Variants in FOXN3 observed in about 807,000 individuals in gnomAD.
The protein encoded by FOXN3 is forkhead box protein N3.
A neutral mutation model predicts 38.4 loss-of-function variants in FOXN3; 7 were observed. That is an observed-to-expected ratio of 0.18 (90% CI 0.10 to 0.34). The LOEUF is 0.34. Among genes scored for constraint, FOXN3 ranks in the 10% least tolerant of loss-of-function variants. FOXN3 has a pLI of 1.00. For synonymous variants in FOXN3, 230 were observed against 242.2 expected (o/e 0.95, Z 0.47); for missense variants, 456 against 613.4 (o/e 0.74, Z 2.71).
At chr14:89,562,649 T>A (rs1373169016) in intron 1 of FOXN3, among the ~76,000 whole-genome samples, 1 of 152,234 alleles carries the variant, frequency 6.6e-6, no homozygotes, top group Non-Finnish European at 1.5e-5. Flanking sequence ...AGAACAATTC[T>A]GGCCTCATGT....
chr14:89,543,128 A>C (rs1421890664), intron 1 of FOXN3, among the ~76,000 whole-genome samples: 1 of 152,236 alleles, frequency 6.6e-6, no homozygotes, highest in East Asian at 1.9e-4. Context: ...AAGAAACAGC[A>C]GCTTCAACCA....
intron 1 of FOXN3, among the ~76,000 whole-genome samples, chr14:89,443,214 A>C (rs1892423160): frequency 6.6e-6 from 1 of 152,258 alleles, no homozygotes; most frequent in African/African-American, 2.4e-5. Context: ...CAGAATATGC[A>C]TTTTAAACGT....
chr14:89,460,084 A>T (rs1190901647), intron 1 of FOXN3, among the ~76,000 whole-genome samples: 8 of 152,186 alleles, frequency 5.3e-5, no homozygotes, highest in Admixed American at 5.2e-4. Context: ...TTCTCTAGAA[A>T]GCCAAGCTAC....
intron 1 of FOXN3, among the ~76,000 whole-genome samples, chr14:89,468,612 C>T (rs553189436): frequency 3.9e-5 from 6 of 152,254 alleles, no homozygotes; most frequent in East Asian, 3.9e-4. Flanking sequence ...AGTTAACACA[C>T]GTAAACTTCT....
intron 1 of FOXN3, among the ~76,000 whole-genome samples, chr14:89,539,002 T>A (rs1266517300): frequency 3.3e-5 from 5 of 151,712 alleles, no homozygotes; most frequent in Non-Finnish European, 5.9e-5. Flanking sequence ...CGCCACCACG[T>A]CTGGCTAATT....
intron 3 of FOXN3, among the ~76,000 whole-genome samples, chr14:89,297,164 CT>C (rs1462987576): frequency 2.6e-4 from 39 of 152,146 alleles, no homozygotes; most frequent in Admixed American, 2.6e-4. Flanking sequence ...AGCTAAGTAA[CT>C]ATATAAGACA....
At chr14:89,390,923 C>T (rs1890925892) in intron 2 of FOXN3, among the ~76,000 whole-genome samples, 1 of 152,112 alleles carries the variant, frequency 6.6e-6, no homozygotes, top group Non-Finnish European at 1.5e-5. Context: ...TGAGAGAAGC[C>T]CAAAGCCTCA....
chr14:89,585,210 T>G (rs535529777), intron 1 of FOXN3, among the ~76,000 whole-genome samples: 2 of 152,298 alleles, frequency 1.3e-5, no homozygotes, highest in East Asian at 3.9e-4. Context: ...TAATGCCTTC[T>G]TCACCTATAT....
chr14:89,356,624 G>A (rs1297902692), intron 2 of FOXN3: 4 of 152,088 alleles, frequency 2.6e-5, no homozygotes, highest in African/African-American at 9.7e-5. Context: ...AGCTTTTGAT[G>A]TTTCTGACAC....
intron 4 of FOXN3, among the ~76,000 whole-genome samples, chr14:89,219,191 G>A (rs1485690649): frequency 1.3e-5 from 2 of 152,078 alleles, no homozygotes; most frequent in Non-Finnish European, 1.5e-5. Context: ...CATGGGGGTG[G>A]ATGTCCCCAT....
chr14:89,429,154 C>T (rs1206135561), intron 1 of FOXN3, among the ~76,000 whole-genome samples: 1 of 152,206 alleles, frequency 6.6e-6, no homozygotes, highest in Non-Finnish European at 1.5e-5. Flanking sequence ...TCCGTGTTGG[C>T]TGCGACCTTG....
At chr14:89,604,242 TGCGCGCACAC>T (rs1566715439) in intron 1 of FOXN3, among the ~76,000 whole-genome samples, 1 of 120,446 alleles carries the variant, frequency 8.3e-6, no homozygotes, top group East Asian at 2.5e-4. Flanking sequence ...CACACACACG[TGCGCGCACAC>T]ACACGCGCGC....
At chr14:89,580,579 G>A (rs1465506341) in intron 1 of FOXN3, among the ~76,000 whole-genome samples, 2 of 152,140 alleles carry the variant, frequency 1.3e-5, no homozygotes, top group Non-Finnish European at 2.9e-5. Flanking sequence ...CCCCACCTCT[G>A]CCCAACCTCC....
intron 4 of FOXN3, among the ~76,000 whole-genome samples, chr14:89,192,792 A>C (rs1887993676): frequency 6.8e-6 from 1 of 147,016 alleles, no homozygotes; most frequent in Non-Finnish European, 1.5e-5. Context: ...TTATATATTT[A>C]ATATATATAA....
At chr14:89,530,394 A>G (rs1894532222) in intron 1 of FOXN3, among the ~76,000 whole-genome samples, 1 of 152,138 alleles carries the variant, frequency 6.6e-6, no homozygotes, top group Admixed American at 6.5e-5. Flanking sequence ...ACTCCCCTTT[A>G]TAAAACCATC....
At chr14:89,238,135 T>G (rs1204321903) in intron 4 of FOXN3, among the ~76,000 whole-genome samples, 2 of 152,196 alleles carry the variant, frequency 1.3e-5, no homozygotes, top group African/African-American at 4.8e-5. Context: ...CAAATTCCCA[T>G]CCTTGTATAC....
At chr14:89,333,652 A>G (rs1376079353) in intron 3 of FOXN3, among the ~76,000 whole-genome samples, 1 of 148,060 alleles carries the variant, frequency 6.8e-6, no homozygotes, top group Non-Finnish European at 1.5e-5. Context: ...ATCCCAGCTA[A>G]CTGGGAGGCT....
At chr14:89,535,137 C>A (rs571856445) in intron 1 of FOXN3, among the ~76,000 whole-genome samples, 1 of 152,096 alleles carries the variant, frequency 6.6e-6, no homozygotes, top group Admixed American at 6.5e-5. Flanking sequence ...CTTTATGATT[C>A]CATTATTTTA....
rs114356642 is a variant in FOXN3, at chr14:89,202,051, G to A, written c.746-21245C>T. ...TTCCATCTCAGAGTGACACTGGCAG[G>A]TGTGTTAGTGAGAGTAAATACCACG... On this transcript the variant is annotated intron_variant, in intron 4 of 5. Coordinates refer to ENST00000557258, the MANE Select transcript of FOXN3 (RefSeq NM_005197.4). Among the ~76,000 whole-genome samples the A allele has an allele frequency of 5.1e-3, 782 of 152,334 alleles. 5 individuals carry two copies. Among genetic ancestry groups the A allele is most frequent in the African/African-American group, 0.018 (729 of 41,570 alleles).
Sources: allele counts gnomAD v4.1 joint callset (sites outside exome capture counted in the v4.1 genomes callset), GRCh38; gene constraint gnomAD v4.1.1; transcripts MANE v1.5; gene names NCBI Gene and HGNC (gene_info 2026-07-23, HGNC 2026-07-21).